Variants in CNTN4 observed in about 807,000 individuals in gnomAD.
CNTN4 encodes the protein contactin-4.
A neutral mutation model predicts 122.5 loss-of-function variants in CNTN4; 77 were observed. The observed-to-expected ratio is 0.63, with a 90% confidence interval of 0.52 to 0.76. The LOEUF is 0.76. Among genes scored for constraint, CNTN4 ranks in the 30% least tolerant of loss-of-function variants. CNTN4 has a pLI of 0.00. For missense variants in CNTN4, 1,256 were observed against 1,259.1 expected (o/e 1.00, Z 0.04); for synonymous variants, 512 against 447.0 (o/e 1.15, Z -1.83).
chr3:2,310,570 T>G (rs560395856), intron 2 of CNTN4, among the ~76,000 whole-genome samples: 27 of 152,266 alleles, frequency 1.8e-4, no homozygotes, highest in Admixed American at 1.2e-3. Flanking sequence ...TTCTCCTTAT[T>G]TTTAGTTTTA....
intron 4 of CNTN4, among the ~76,000 whole-genome samples, chr3:2,631,243 T>C (rs1428565660): frequency 6.6e-6 from 1 of 152,182 alleles, no homozygotes; most frequent in Admixed American, 6.5e-5. Flanking sequence ...CCATATAGTA[T>C]GATGGGTTAT....
chr3:2,480,308 A>G (rs2075955660), intron 3 of CNTN4, among the ~76,000 whole-genome samples: 1 of 152,196 alleles, frequency 6.6e-6, no homozygotes, highest in Non-Finnish European at 1.5e-5. Flanking sequence ...CAGATTGGAA[A>G]GGAAGAAATT....
chr3:2,308,628 T>C (rs1173982467), intron 2 of CNTN4, among the ~76,000 whole-genome samples: 1 of 152,104 alleles, frequency 6.6e-6, no homozygotes, highest in Non-Finnish European at 1.5e-5. Context: ...ATTTCCCTTT[T>C]GATTTTTTTC....
intron 12 of CNTN4, among the ~76,000 whole-genome samples, chr3:2,918,321 A>C (rs1212920530): frequency 2.0e-5 from 3 of 152,208 alleles, no homozygotes; most frequent in Non-Finnish European, 2.9e-5. Context: ...AGTAAACTCA[A>C]GGTGAAGTTC....
chr3:2,123,190 G>A (rs937621775), intron 2 of CNTN4, among the ~76,000 whole-genome samples: 1 of 152,152 alleles, frequency 6.6e-6, no homozygotes, highest in African/African-American at 2.4e-5. Flanking sequence ...CCTTGCATAT[G>A]ATTTCTAATC....
chr3:2,674,011 G>T (rs2084689126), intron 4 of CNTN4, among the ~76,000 whole-genome samples: 1 of 152,176 alleles, frequency 6.6e-6, no homozygotes, highest in Non-Finnish European at 1.5e-5. Context: ...AGACATTTCA[G>T]TGAGGCCATC....
chr3:2,325,728 GA>G (rs760762239), intron 2 of CNTN4, among the ~76,000 whole-genome samples: 80 of 152,294 alleles, frequency 5.3e-4, no homozygotes, highest in Admixed American at 1.2e-3. Flanking sequence ...TAAGGGTAGC[GA>G]AAAATGTAAG....
intron 2 of CNTN4, among the ~76,000 whole-genome samples, chr3:2,121,101 T>C (rs1196237871): frequency 6.9e-6 from 1 of 144,308 alleles, no homozygotes; most frequent in South Asian, 2.2e-4. Context: ...CCCTCCCTTC[T>C]TCCTTCCTTC....
intron 23 of CNTN4, among the ~76,000 whole-genome samples, chr3:3,051,078 A>G (rs1701219383): frequency 1.3e-5 from 2 of 152,180 alleles, no homozygotes; most frequent in African/African-American, 4.8e-5. Flanking sequence ...AAAGTTCATC[A>G]GCTATCATTA....
chr3:2,804,583 A>G (rs944303291), intron 6 of CNTN4, among the ~76,000 whole-genome samples: 3 of 152,216 alleles, frequency 2.0e-5, no homozygotes, highest in Non-Finnish European at 4.4e-5. Flanking sequence ...TCTAAATACT[A>G]CTATTCAACC....
chr3:2,732,796 C>T (rs899958756), intron 4 of CNTN4, among the ~76,000 whole-genome samples: 4 of 151,964 alleles, frequency 2.6e-5, no homozygotes, highest in African/African-American at 9.7e-5. Flanking sequence ...TTTTTAATAC[C>T]TTGATAGCTA....
chr3:3,013,191 G>A (rs1697404601), intron 14 of CNTN4, among the ~76,000 whole-genome samples: 1 of 152,080 alleles, frequency 6.6e-6, no homozygotes, highest in African/African-American at 2.4e-5. Flanking sequence ...ATCCTGGGAT[G>A]CCAAATACCA....
chr3:2,481,939 C>A (rs975310978), intron 3 of CNTN4, among the ~76,000 whole-genome samples: 2 of 152,116 alleles, frequency 1.3e-5, no homozygotes, highest in African/African-American at 4.8e-5. Flanking sequence ...AATTAAACTT[C>A]TTTTCTTTAT....
Position 3,037,290 on chromosome 3 carries a change from C to T in CNTN4, c.2054C>T (p.Pro685Leu), listed in dbSNP as rs1217192021. 6.2e-7 allele frequency: 1 copy of T among 1,614,150 alleles called. No homozygotes were observed. Among genetic ancestry groups the T allele is most frequent in the Admixed American group, 1.7e-5 (1 of 60,022 alleles). Residue 685 changes from proline (P) to leucine (L), a missense_variant, in exon 18 of 25, where the codon CCC (proline) becomes CTC (leucine). By Grantham distance (98) the Pro-to-Leu change is moderately conservative. Coordinates refer to ENST00000418658, the MANE Select transcript of CNTN4 (RefSeq NM_175607.3). The stretch of plus-strand genomic sequence containing the variant: ...GCCAACGTGATTGGGATTGGGGAGC[C>T]CAGCCGCCCCTCAGAGAAACGGAGA... Reference protein sequence around the residue: ...VAANVIGIGEPSRPSEKRRTE... With the variant: ...VAANVIGIGELSRPSEKRRTE...
At chr3:2,353,206 G>T (rs2044714014) in intron 3 of CNTN4, among the ~76,000 whole-genome samples, 1 of 151,988 alleles carries the variant, frequency 6.6e-6, no homozygotes, top group Non-Finnish European at 1.5e-5. Flanking sequence ...GGGACTGGGA[G>T]AACTTTTATG....
chr3:2,922,021 A>G (rs2094434279), intron 12 of CNTN4, among the ~76,000 whole-genome samples: 1 of 152,206 alleles, frequency 6.6e-6, no homozygotes, highest in Admixed American at 6.5e-5. Context: ...AGGACCCATA[A>G]TACAGTTCAT....
chr3:2,665,096 A>G (rs1316493241), intron 4 of CNTN4, among the ~76,000 whole-genome samples: 1 of 152,180 alleles, frequency 6.6e-6, no homozygotes, highest in Non-Finnish European at 1.5e-5. Flanking sequence ...GTCGTTATCC[A>G]CAGTTCCTCA....
chr3:2,583,681 A>G (rs2080049168), intron 4 of CNTN4, among the ~76,000 whole-genome samples: 1 of 152,228 alleles, frequency 6.6e-6, no homozygotes, highest in African/African-American at 2.4e-5. Flanking sequence ...TCCTCAGAAA[A>G]TATTTACGCA....
In CNTN4 at chr3:3,056,176, A is replaced by T. The variant is rs369939655; in HGVS notation, c.3037A>T (p.Ile1013Phe). 21 of 1,614,052 alleles carry T rather than the reference A, an allele frequency of 1.3e-5. No homozygotes were observed. In the African/African-American group the frequency reaches 1.3e-4, roughly 10 times the overall value. ...TTCGAATGCATGTACGCTGTCAGCC[A>T]TCAGTACAATAATGATTTCCCTCAC... ...STSNACTLSA[I>F]STIMISLTAR... Residue 1013 changes from isoleucine to phenylalanine, a missense_variant, in exon 25 of 25, where the codon ATC becomes TTC. Coordinates refer to ENST00000418658, the MANE Select transcript of CNTN4 (RefSeq NM_175607.3).
Sources: gnomAD v4.1 joint callset for allele counts (sites outside exome capture counted in the v4.1 genomes callset) on GRCh38, gnomAD v4.1.1 for gene constraint, MANE v1.5 for transcripts, NCBI Gene and HGNC (gene_info 2026-07-23, HGNC 2026-07-21) for gene names.